The following TNR variants were observed in gnomAD, a reference collection of about 807,000 sequenced individuals.
TNR encodes tenascin-R.
In TNR, 45 loss-of-function variants were observed where a neutral mutation model predicts 150.4. That is an observed-to-expected ratio of 0.30 (90% CI 0.24 to 0.38). The LOEUF is 0.38. Among genes scored for constraint, TNR ranks in the 10% least tolerant of loss-of-function variants. The pLI is 1.00. For missense variants in TNR, 1,544 were observed against 1,759.1 expected, an observed-to-expected ratio of 0.88 and a Z score of 2.19; for synonymous variants, 687 against 678.4, an observed-to-expected ratio of 1.01 and a Z score of -0.20.
intron 1 of TNR, among the ~76,000 whole-genome samples, chr1:175,608,755 T>A (rs1246910115): frequency 6.6e-6 from 1 of 152,200 alleles, no homozygotes; most frequent in Non-Finnish European, 1.5e-5. Flanking sequence ...CTTGTACGTT[T>A]GAGAAGAGAT....
intron 1 of TNR, among the ~76,000 whole-genome samples, chr1:175,615,551 G>A (rs909144753): frequency 1.3e-5 from 2 of 152,214 alleles, no homozygotes; most frequent in Admixed American, 6.5e-5. Flanking sequence ...CTGAGGCTTC[G>A]AGGTCACAGA....
chr1:175,721,886 C>A (rs1351314187), intron 1 of TNR, among the ~76,000 whole-genome samples: 1 of 143,900 alleles, frequency 6.9e-6, no homozygotes, highest in African/African-American at 2.5e-5. Context: ...GTCGGATGTG[C>A]TTCCCCTCTC....
At chr1:175,332,249 C>A (rs1354074706) in intron 20 of TNR, among the ~76,000 whole-genome samples, 1 of 152,160 alleles carries the variant, frequency 6.6e-6, no homozygotes, top group African/African-American at 2.4e-5. Flanking sequence ...AAAAGCTTGG[C>A]CTCCTTGTCT....
At chr1:175,376,774 C>T (rs1337064004) in intron 9 of TNR, among the ~76,000 whole-genome samples, 1 of 151,788 alleles carries the variant, frequency 6.6e-6, no homozygotes, top group Admixed American at 6.6e-5. Flanking sequence ...ATAATCCCTT[C>T]TTAAATTATG....
chr1:175,591,048 G>T (rs1218010814), intron 1 of TNR, among the ~76,000 whole-genome samples: 1 of 152,224 alleles, frequency 6.6e-6, no homozygotes, highest in African/African-American at 2.4e-5. Context: ...GAACTGGGGA[G>T]GGGAGATCAC....
intron 1 of TNR, among the ~76,000 whole-genome samples, chr1:175,623,534 C>T (rs1039269890): frequency 1.3e-5 from 2 of 152,208 alleles, no homozygotes; most frequent in African/African-American, 2.4e-5. Context: ...GGCCACATTG[C>T]TTTTCATTCC....
At chr1:175,470,964 T>C (rs1381232999) in intron 2 of TNR, among the ~76,000 whole-genome samples, 6 of 152,152 alleles carry the variant, frequency 3.9e-5, no homozygotes, top group Non-Finnish European at 4.4e-5. Context: ...TCAGGTAAAA[T>C]GAAGAGGCAG....
chr1:175,720,867 G>A (rs528899592), intron 1 of TNR, among the ~76,000 whole-genome samples: 6 of 152,242 alleles, frequency 3.9e-5, no homozygotes, highest in Middle Eastern at 3.4e-3. Context: ...CCACACTAGC[G>A]CTCTAAGGAT....
chr1:175,653,399 T>G (rs1200484775), intron 1 of TNR, among the ~76,000 whole-genome samples: 1 of 152,184 alleles, frequency 6.6e-6, no homozygotes, highest in African/African-American at 2.4e-5. Flanking sequence ...GAGTGAAGTA[T>G]ATTGCACCAT....
chr1:175,619,802 G>C (rs573079828), intron 1 of TNR, among the ~76,000 whole-genome samples: 8 of 152,214 alleles, frequency 5.3e-5, no homozygotes, highest in African/African-American at 1.4e-4. Flanking sequence ...TTCCCCAGAG[G>C]AAAAAAGCAT....
intron 6 of TNR, among the ~76,000 whole-genome samples, chr1:175,392,849 T>C (rs1484514201): frequency 2.0e-5 from 3 of 152,220 alleles, no homozygotes; most frequent in African/African-American, 4.8e-5. Context: ...AAACTAGATG[T>C]AAAATGAGGG....
In TNR at chr1:175,386,074, C is replaced by G. The variant is rs755698038; in HGVS notation, c.1735G>C (p.Gly579Arg). The change falls in exon 8 of 23, where the codon GGG becomes CGG. Residue 579 changes from glycine (G) to arginine (R), a missense_variant. Physicochemically the swap from Gly to Arg is moderately radical, Grantham distance 125 (BLOSUM62 -2). Transcript: ENST00000367674. Reference protein sequence around the residue: ...RYEVSVSAVRGTNESDSATTQ... With the variant: ...RYEVSVSAVRRTNESDSATTQ... ...GTGGCAGAATCGCTCTCGTTGGTCCCTCGGACGGCACTGACTGACACCTCG... is the reference window on the plus strand; with the variant it reads ...GTGGCAGAATCGCTCTCGTTGGTCCGTCGGACGGCACTGACTGACACCTCG... 6.2e-7 allele frequency: 1 copy of G among 1,608,930 alleles called. No homozygotes were observed.
chr1:175,643,625 A>T (rs575589859), intron 1 of TNR, among the ~76,000 whole-genome samples: 1 of 152,218 alleles, frequency 6.6e-6, no homozygotes, highest in Non-Finnish European at 1.5e-5. Context: ...AAATCTAGAA[A>T]TGCAAGGGTG....
Position 175,470,962 on chromosome 1 carries a change from A to G in TNR, c.-64+57307T>C, listed in dbSNP as rs149186260. Among the ~76,000 whole-genome samples, 33 of 152,338 alleles carry G rather than the reference A, an allele frequency of 2.2e-4. 1 individual carries two copies. The highest frequency in any genetic ancestry group is 1.3e-3 in the Admixed American group (20 of 15,302). Reference sequence around the variant, plus strand: ...CCAAATGTAGCAGAGAGTCAGGTAAAATGAAGAGGCAGAGGCAATTGGATG... The same window carrying G: ...CCAAATGTAGCAGAGAGTCAGGTAAGATGAAGAGGCAGAGGCAATTGGATG... On this transcript the variant is annotated intron_variant, in intron 2 of 22. Transcript: ENST00000367674.
intron 2 of TNR, among the ~76,000 whole-genome samples, chr1:175,421,795 G>A (rs905264496): frequency 6.6e-6 from 1 of 152,192 alleles, no homozygotes; most frequent in Non-Finnish European, 1.5e-5. Flanking sequence ...ATACCCACCA[G>A]CTTCAAGCTA....
At chr1:175,349,622 T>C (rs541157325) in intron 18 of TNR, among the ~76,000 whole-genome samples, 1 of 152,256 alleles carries the variant, frequency 6.6e-6, no homozygotes, top group East Asian at 1.9e-4. Context: ...TGCCTGCCTA[T>C]GGAAGGTGGA....
chr1:175,453,775 G>A (rs1165047426), intron 2 of TNR, among the ~76,000 whole-genome samples: 1 of 152,082 alleles, frequency 6.6e-6, no homozygotes, highest in Non-Finnish European at 1.5e-5. Flanking sequence ...GTCTCGCTTT[G>A]TTGTCCAGTC....
rs371463499 is a variant in TNR at position 175,538,349 on chromosome 1, GA to G, written c.-164-9981del. ...GTGTTCAGGTCAGAAAGTTTCCTGAGAAAAAAAAGGTTGAAGATATTTTCCT... is the reference window on the plus strand; with the variant it reads ...GTGTTCAGGTCAGAAAGTTTCCTGAGAAAAAAAGGTTGAAGATATTTTCCT... On this transcript the variant is annotated intron_variant, in intron 1 of 22. Transcript: ENST00000367674. Among the ~76,000 whole-genome samples, 1,061 of 151,724 alleles carry G rather than the reference GA, an allele frequency of 7.0e-3. 9 individuals are homozygous for G. Among genetic ancestry groups the G allele is most frequent in the African/African-American group, 0.023 (953 of 41,418 alleles).
chr1:175,629,944 T>C (rs965902608), intron 1 of TNR, among the ~76,000 whole-genome samples: 5 of 152,178 alleles, frequency 3.3e-5, no homozygotes, highest in African/African-American at 1.2e-4. Flanking sequence ...ACAAATAAGT[T>C]ATTATCAGCT....
Sources: gnomAD v4.1 joint callset for allele counts (sites outside exome capture counted in the v4.1 genomes callset) on GRCh38, gnomAD v4.1.1 for gene constraint, MANE v1.5 for transcripts, NCBI Gene and HGNC (gene_info 2026-07-23, HGNC 2026-07-21) for gene names.